Variants in TGFB2 observed in about 807,000 individuals in gnomAD.
TGFB2 encodes the protein transforming growth factor beta-2 proprotein.
TGFB2 carries 13 observed loss-of-function variants against 42.7 expected under a neutral mutation model. The ratio of observed to expected loss-of-function variants is 0.30; its 90% CI spans 0.20 to 0.48. The LOEUF (loss-of-function observed/expected upper bound fraction) is 0.48, where lower values mean the gene tolerates loss of function less well. TGFB2 is among the 20% of genes least tolerant of loss of function. The pLI is 0.99. For missense variants in TGFB2, 390 were observed against 517.5 expected, an observed-to-expected ratio of 0.75 and a Z score of 2.39; for synonymous variants, 193 against 193.6, an observed-to-expected ratio of 1.00 and a Z score of 0.03.
rs536343368 is a variant in TGFB2 at position 218,423,411 on chromosome 1, T to C, written c.511-10671T>C. 2.0e-5 allele frequency among the ~76,000 whole-genome samples: 3 copies of C among 152,240 alleles called. No individual in the cohort carries two copies. The East Asian group carries it at 5.8e-4, about 29-fold the overall frequency. ...GCTCAGCAAATCCCGTAGCATTGCA[T>C]GGGGAACTAGGGAAAGGGACCTGAC... On this transcript the variant is annotated intron_variant, in intron 2 of 6. Transcript: ENST00000366930.
At chr1:218,365,493 G>C (rs565412495) in intron 1 of TGFB2, among the ~76,000 whole-genome samples, 1 of 152,190 alleles carries the variant, frequency 6.6e-6, no homozygotes, top group South Asian at 2.1e-4. Flanking sequence ...AGCGAGTCAG[G>C]GAAAATCAGG....
At chr1:218,410,445 A>G (rs1659057621) in intron 2 of TGFB2, among the ~76,000 whole-genome samples, 1 of 152,206 alleles carries the variant, frequency 6.6e-6, no homozygotes. Flanking sequence ...ACAGTGTGTC[A>G]GAATATTAAT....
At chr1:218,388,392 G>GCACACCAAAAAGTGATTTTGT in intron 1 of TGFB2, among the ~76,000 whole-genome samples, 1 of 152,202 alleles carries the variant, frequency 6.6e-6, no homozygotes, top group South Asian at 2.1e-4. Context: ...GGATTGCTTG[G>GCACACCAAAAAGTGATTTTGT]CACACCAAAA....
At chr1:218,361,205 A>G (rs2102543646) in intron 1 of TGFB2, among the ~76,000 whole-genome samples, 1 of 152,360 alleles carries the variant, frequency 6.6e-6, no homozygotes, top group East Asian at 1.9e-4. Flanking sequence ...CTGAACAATC[A>G]TTAGCATCCT....
chr1:218,434,403 T>C lies in TGFB2; in HGVS notation c.709T>C (p.Tyr237His). 6.2e-7 allele frequency: 1 copy of C among 1,613,860 alleles called. No individual in the cohort carries two copies. The highest frequency in any genetic ancestry group is 8.5e-7 in the Non-Finnish European group (1 of 1,179,914). The change falls in exon 4 of 7, where the codon TAC (tyrosine) becomes CAC (histidine). Residue 237 changes from tyrosine to histidine, a missense_variant. Transcript: ENST00000366930. ...CTGCACTTTTGTACCATCTAATAAT[T>C]ACATCATCCCAAATAAAAGTGAAGA... ...PCCTFVPSNN[Y>H]IIPNKSEELE...
chr1:218,391,320 C>G (rs915940967), intron 1 of TGFB2, among the ~76,000 whole-genome samples: 2 of 152,126 alleles, frequency 1.3e-5, no homozygotes, highest in African/African-American at 4.8e-5. Context: ...GTAGTGTGTG[C>G]CTGTACAGGT....
intron 2 of TGFB2, among the ~76,000 whole-genome samples, chr1:218,417,647 G>T (rs1198780925): frequency 6.6e-6 from 1 of 152,208 alleles, no homozygotes; most frequent in Non-Finnish European, 1.5e-5. Flanking sequence ...GCATGCCAGA[G>T]GTCTTCATGG....
chr1:218,432,807 G>A (rs1166352720), intron 2 of TGFB2, among the ~76,000 whole-genome samples: 2 of 152,120 alleles, frequency 1.3e-5, no homozygotes, highest in South Asian at 2.1e-4. Flanking sequence ...AAACAGAGTA[G>A]TACAAAAATC....
At position 218,346,855 on chromosome 1, in the gene TGFB2, A is replaced by G. The variant is rs771351240; in HGVS notation, c.154A>G (p.Ser52Gly). Residue 52 changes from serine to glycine, a missense_variant, in exon 1 of 7, where the codon AGT (serine) becomes GGT (glycine). Ser to Gly is a moderately conservative substitution (Grantham distance 56). Transcript: ENST00000366930. The surrounding 1 kb of genome is among the most constrained non-coding windows in gnomAD (Gnocchi z 4.9). The stretch of plus-strand genomic sequence containing the variant: ...GATCCTGAGCAAGCTGAAGCTCACC[A>G]GTCCCCCAGAAGACTATCCTGAGCC... ...GQILSKLKLTSPPEDYPEPEE... is the reference protein window; with the variant it reads ...GQILSKLKLTGPPEDYPEPEE... The G allele has an allele frequency of 4.3e-6, 7 of 1,614,122 alleles. No individual in the cohort carries two copies. Among genetic ancestry groups the G allele is most frequent in the South Asian group, 1.1e-5 (1 of 91,084 alleles).
rs556049873 is a variant in TGFB2 at position 218,353,565 on chromosome 1, C to T, written c.346+6518C>T. On this transcript the variant is annotated intron_variant, in intron 1 of 6. Transcript: ENST00000366930. ...CATGCCTCTGGGGTCTTTGTTTATGCTGTTTCTTCTACATAGAGATCTATC... is the reference window on the plus strand; with the variant it reads ...CATGCCTCTGGGGTCTTTGTTTATGTTGTTTCTTCTACATAGAGATCTATC... Among the ~76,000 whole-genome samples, 9 of 152,330 alleles carry T rather than the reference C, an allele frequency of 5.9e-5. No homozygotes were observed. In the South Asian group the frequency reaches 1.2e-3, roughly 21 times the overall value.
At chr1:218,372,037 C>T (rs1657589323) in intron 1 of TGFB2, among the ~76,000 whole-genome samples, 1 of 152,116 alleles carries the variant, frequency 6.6e-6, no homozygotes, top group South Asian at 2.1e-4. Flanking sequence ...TCTGACCGTC[C>T]CTGAGCGTGC....
intron 5 of TGFB2, 142 bp from the exon 6 acceptor site, chr1:218,437,200 AC>A: frequency 1.2e-6 from 1 of 838,906 alleles, no homozygotes; most frequent in Non-Finnish European, 1.8e-6. Context: ...AGCCATTAAA[AC>A]CTGGCCCATG....
chr1:218,440,250 A>G (rs1474127290), intron 6 of TGFB2, among the ~76,000 whole-genome samples: 2 of 152,216 alleles, frequency 1.3e-5, no homozygotes, highest in Non-Finnish European at 2.9e-5. Context: ...AAAATGTAAG[A>G]AAGTGAATAA....
chr1:218,378,260 T>TCCGC (rs951467110), intron 1 of TGFB2, among the ~76,000 whole-genome samples: 2 of 150,924 alleles, frequency 1.3e-5, no homozygotes, highest in African/African-American at 4.9e-5. Context: ...CACTGCAACC[T>TCCGC]CCGCCTCCCG....
intron 2 of TGFB2, among the ~76,000 whole-genome samples, chr1:218,416,455 A>T (rs1659284667): frequency 6.6e-6 from 1 of 152,160 alleles, no homozygotes; most frequent in Non-Finnish European, 1.5e-5. Flanking sequence ...AGTCCAGCAT[A>T]CATACTTGAG....
In TGFB2 at chr1:218,441,404, G is replaced by A. The variant is rs749872228; in HGVS notation, c.*42G>A. On this transcript the variant is annotated 3_prime_UTR_variant, in exon 7 of 7. Coordinates refer to ENST00000366930, the MANE Select transcript of TGFB2 (RefSeq NM_003238.6). ...GCAAGACCAAAATGACAATGATGAT[G>A]ATAATGATGATGACGACGACAACGA... 2 of 1,564,688 alleles carry A rather than the reference G, an allele frequency of 1.3e-6. No homozygotes were observed. The highest frequency in any genetic ancestry group is 1.7e-6 in the Non-Finnish European group (2 of 1,157,254).
At chr1:218,393,516 T>C (rs921020118) in intron 1 of TGFB2, among the ~76,000 whole-genome samples, 1 of 152,208 alleles carries the variant, frequency 6.6e-6, no homozygotes, top group Non-Finnish European at 1.5e-5. Flanking sequence ...GAATGGTATA[T>C]GGTTATCTGT....
At position 218,431,504 on chromosome 1, in the gene TGFB2, A is replaced by C. The variant is rs777871494; in HGVS notation, c.511-2578A>C. 4.3e-4 allele frequency among the ~76,000 whole-genome samples: 66 copies of C among 152,228 alleles called. 1 individual carries two copies. Among genetic ancestry groups the C allele is most frequent in the Non-Finnish European group, 8.2e-4 (56 of 68,044 alleles). ...GACATATATATACACACATATATACATGTATATGTATGTATATGTCATAGA... is the reference window on the plus strand; with the variant it reads ...GACATATATATACACACATATATACCTGTATATGTATGTATATGTCATAGA... On this transcript the variant is annotated intron_variant, in intron 2 of 6. Coordinates refer to ENST00000366930, the MANE Select transcript of TGFB2 (RefSeq NM_003238.6).
At chr1:218,348,196 T>C (rs1468473411) in intron 1 of TGFB2, among the ~76,000 whole-genome samples, 1 of 152,076 alleles carries the variant, frequency 6.6e-6, no homozygotes, top group African/African-American at 2.4e-5. Flanking sequence ...CTTCAACATT[T>C]GTGTATTCCA....
Sources: allele counts gnomAD v4.1 joint callset (sites outside exome capture counted in the v4.1 genomes callset), GRCh38; gene constraint gnomAD v4.1.1; non-coding constraint Gnocchi (gnomAD v3.1); transcripts MANE v1.5; gene names NCBI Gene and HGNC (gene_info 2026-07-23, HGNC 2026-07-21).